Variants in STARD13 observed in about 807,000 individuals in gnomAD.
STARD13 encodes StAR related lipid transfer domain containing 13.
STARD13 carries 62 observed loss-of-function variants against 106.4 expected under a neutral mutation model. The ratio of observed to expected loss-of-function variants is 0.58; its 90% CI spans 0.48 to 0.72. The LOEUF is 0.72. STARD13 is among the 30% of genes least tolerant of loss of function. STARD13 has a pLI of 0.00. For synonymous variants in STARD13, 565 were observed against 553.0 expected (o/e 1.02, Z -0.31); for missense variants, 1,387 against 1,424.0 (o/e 0.97, Z 0.42).
intron 1 of STARD13, among the ~76,000 whole-genome samples, chr13:33,259,636 A>G (rs1451588103): frequency 6.6e-6 from 1 of 152,236 alleles, no homozygotes; most frequent in Non-Finnish European, 1.5e-5. Context: ...TCCTCTGTTT[A>G]TGGTTCAGTT....
At chr13:33,364,997 G>C in the STARD13 span, among the ~76,000 whole-genome samples, 1 of 152,190 alleles carries the variant, frequency 6.6e-6, no homozygotes, top group Admixed American at 6.5e-5. Flanking sequence ...CATATAAAAG[G>C]GCTGGAGTAG....
chr13:33,504,050 A>G, the STARD13 span, among the ~76,000 whole-genome samples: 4 of 152,200 alleles, frequency 2.6e-5, no homozygotes, highest in African/African-American at 4.8e-5. Context: ...CAAAACCACA[A>G]TGAGATACCA....
At chr13:33,588,725 C>T in the STARD13 span, among the ~76,000 whole-genome samples, 3 of 152,192 alleles carry the variant, frequency 2.0e-5, no homozygotes, top group South Asian at 2.1e-4. Flanking sequence ...AACATTTACT[C>T]ATCTTCAATT....
At chr13:33,199,271 C>T (rs542391844) in intron 1 of STARD13, among the ~76,000 whole-genome samples, 1 of 152,268 alleles carries the variant, frequency 6.6e-6, no homozygotes, top group South Asian at 2.1e-4. Flanking sequence ...GAATTGTGTC[C>T]ATATCTGTCC....
At chr13:33,405,980 A>G in the STARD13 span, among the ~76,000 whole-genome samples, 4 of 152,362 alleles carry the variant, frequency 2.6e-5, no homozygotes, top group South Asian at 8.3e-4. Context: ...TAAGACTTAC[A>G]GAAGTCCTAC....
chr13:33,415,140 G>A, the STARD13 span, among the ~76,000 whole-genome samples: 1 of 152,148 alleles, frequency 6.6e-6, no homozygotes, highest in African/African-American at 2.4e-5. Flanking sequence ...AGGCCGAGGC[G>A]GGCGGATCAC....
the STARD13 span, among the ~76,000 whole-genome samples, chr13:33,553,230 C>A: frequency 2.0e-5 from 3 of 151,558 alleles, no homozygotes; most frequent in African/African-American, 2.4e-5. Flanking sequence ...CAGTTTCATT[C>A]GTAAATGTAC....
chr13:33,156,456 G>C (rs570690024), intron 3 of STARD13, among the ~76,000 whole-genome samples: 1 of 152,262 alleles, frequency 6.6e-6, no homozygotes, highest in African/African-American at 2.4e-5. Context: ...ATTGCAGTGG[G>C]GTTCATAGAG....
intron 3 of STARD13, among the ~76,000 whole-genome samples, chr13:33,163,060 C>T (rs1281288982): frequency 6.6e-6 from 1 of 152,078 alleles, no homozygotes; most frequent in Non-Finnish European, 1.5e-5. Context: ...AGGCAAAAGG[C>T]CCTTCTTACA....
chr13:33,415,164 C>T, the STARD13 span, among the ~76,000 whole-genome samples: 5 of 152,224 alleles, frequency 3.3e-5, no homozygotes, highest in Admixed American at 2.0e-4. Context: ...GTCAGGAGAT[C>T]GAGACCATCC....
At chr13:33,459,757 A>C in the STARD13 span, among the ~76,000 whole-genome samples, 9 of 152,086 alleles carry the variant, frequency 5.9e-5, no homozygotes, top group African/African-American at 2.2e-4. Context: ...TCTGGTGCTA[A>C]ATTTTTTATT....
chr13:33,346,540 T>C (rs2078018508), downstream of STARD13, among the ~76,000 whole-genome samples: 1 of 152,184 alleles, frequency 6.6e-6, no homozygotes, highest in African/African-American at 2.4e-5. Flanking sequence ...TTTCCTTCCT[T>C]GGGATGGAAA....
the STARD13 span, among the ~76,000 whole-genome samples, chr13:33,670,562 C>A: frequency 5.8e-4 from 88 of 152,270 alleles, 1 homozygote; most frequent in African/African-American, 2.1e-3. Context: ...GTAGCTTGAG[C>A]TCATTATTCC....
At chr13:33,316,989 C>G (rs1205394872) in intron 1 of STARD13, among the ~76,000 whole-genome samples, 1 of 152,138 alleles carries the variant, frequency 6.6e-6, no homozygotes, top group African/African-American at 2.4e-5. Context: ...CTTCAGTTGT[C>G]TTCTGGGATA....
chr13:33,652,714 G>A, the STARD13 span, among the ~76,000 whole-genome samples: 13 of 152,102 alleles, frequency 8.5e-5, no homozygotes, highest in South Asian at 2.7e-3. Context: ...AAAAATGTTG[G>A]GCAAGTTCCC....
In STARD13 at chr13:33,126,086, C is replaced by T. The variant is rs754311830; in HGVS notation, c.2077G>A (p.Asp693Asn). ...ALRYLRSNCL[D>N]QVGLFRKSGV... The stretch of plus-strand genomic sequence containing the variant: ...CGGGGGGGTTACAGCCCTACCTGAT[C>T]GAGGCAGTTGCTGCGTAGATATCTC... Residue 693 changes from aspartate to asparagine, a missense_variant, in exon 7 of 14, where the codon GAT becomes AAT. By Grantham distance (23) the Asp-to-Asn change is conservative (BLOSUM62 1). Transcript: ENST00000336934. The T allele has an allele frequency of 1.8e-5, 29 of 1,613,644 alleles. No homozygotes were observed. The highest frequency in any genetic ancestry group is 6.7e-5 in the East Asian group (3 of 44,894).
the STARD13 span, among the ~76,000 whole-genome samples, chr13:33,639,518 G>T: frequency 1.3e-5 from 2 of 152,172 alleles, no homozygotes; most frequent in Non-Finnish European, 2.9e-5. Flanking sequence ...CTCCTAGTAG[G>T]TACCAACATG....
chr13:33,435,792 A>G, the STARD13 span, among the ~76,000 whole-genome samples: 17 of 152,312 alleles, frequency 1.1e-4, no homozygotes, highest in East Asian at 3.1e-3. Flanking sequence ...AATGTTCAAC[A>G]GACACTTAAT....
At position 33,110,833 on chromosome 13, in the gene STARD13, T is replaced by C. The variant is rs149353874; in HGVS notation, c.2682A>G (p.Glu894=). 5.0e-4 allele frequency: 802 copies of C among 1,614,126 alleles called. 2 individuals carry two copies. Among genetic ancestry groups the C allele is most frequent in the Non-Finnish European group, 6.3e-4 (745 of 1,180,028 alleles). ...EAEIHVPTLE[E]LGTQLEESGA... ...CACTCTCCTCCAGCTGTGTCCCCAATTCTTCCAGGGTTGGCACGTGGATCT... is the reference window on the plus strand; with the variant it reads ...CACTCTCCTCCAGCTGTGTCCCCAACTCTTCCAGGGTTGGCACGTGGATCT... The change falls in exon 11 of 14, where the codon GAA becomes GAG. Residue 894 remains glutamate (E), a synonymous_variant. Transcript: ENST00000336934.
Sources: allele counts gnomAD v4.1 joint callset (sites outside exome capture counted in the v4.1 genomes callset), GRCh38; gene constraint gnomAD v4.1.1; transcripts MANE v1.5; gene names NCBI Gene and HGNC (gene_info 2026-07-23, HGNC 2026-07-21).